Variants in GRIK1 observed in about 807,000 individuals in gnomAD.
GRIK1 encodes glutamate receptor ionotropic, kainate 1.
GRIK1 carries 69 observed loss-of-function variants against 105.7 expected under a neutral mutation model. The ratio of observed to expected loss-of-function variants is 0.65; its 90% CI spans 0.54 to 0.80. GRIK1 has a LOEUF of 0.80. GRIK1 is among the 30% of genes least tolerant of loss of function. The pLI is 0.00. For synonymous variants in GRIK1, 438 were observed against 431.3 expected, an observed-to-expected ratio of 1.02 and a Z score of -0.19; for missense variants, 1,109 against 1,167.3, an observed-to-expected ratio of 0.95 and a Z score of 0.73.
intron 14 of GRIK1, among the ~76,000 whole-genome samples, chr21:29,564,549 C>G (rs2090567608): frequency 1.3e-5 from 2 of 152,116 alleles, no homozygotes; most frequent in South Asian, 4.1e-4. Flanking sequence ...AGTTCATCCA[C>G]GGTAAATGGA....
chr21:29,777,871 A>G (rs577270570), intron 1 of GRIK1, among the ~76,000 whole-genome samples: 2 of 152,332 alleles, frequency 1.3e-5, no homozygotes, highest in South Asian at 4.1e-4. Context: ...GCAATGGGTC[A>G]AGTGAGGGAA....
chr21:29,814,848 G>A (rs379182), intron 1 of GRIK1, among the ~76,000 whole-genome samples: 122,316 of 151,970 alleles, frequency 0.8, 50,020 homozygotes, highest in Non-Finnish European at 0.88. Context: ...GCAAGGATGT[G>A]TAGAGCCTAA....
Position 29,596,214 on chromosome 21 carries a change from G to T in GRIK1, c.1251+312C>A, listed in dbSNP as rs28378566. ...TGAGAAGGAATATAAATAGGTCAGT[G>T]TCTCCTTCTGTTACAGTTGCCTGCT... On this transcript the variant is annotated intron_variant, in intron 9 of 17. Coordinates refer to ENST00000327783, the MANE Select transcript of GRIK1 (RefSeq NM_001330994.2). 2.5e-3 allele frequency: 1,119 copies of T among 453,460 alleles called. 12 individuals are homozygous for T. Among genetic ancestry groups the T allele is most frequent in the African/African-American group, 0.021 (1,053 of 50,198 alleles). 28.1% of individuals were successfully genotyped at this position (453,460 alleles called of 1,614,324 possible). A position where few individuals can be genotyped will look rare whatever the true frequency, so the allele number is the denominator to read the frequency against.
chr21:29,680,056 C>T (rs2063341925), intron 3 of GRIK1, among the ~76,000 whole-genome samples: 1 of 152,120 alleles, frequency 6.6e-6, no homozygotes, highest in African/African-American at 2.4e-5. Context: ...TGAGGTGTCC[C>T]AAGTTTCTTA....
intron 16 of GRIK1, among the ~76,000 whole-genome samples, chr21:29,546,732 A>G (rs2090056983): frequency 6.6e-6 from 1 of 152,228 alleles, no homozygotes; most frequent in Non-Finnish European, 1.5e-5. Flanking sequence ...ATAACAACTT[A>G]CATATTCAAT....
Position 29,702,716 on chromosome 21 carries a change from A to G in GRIK1, c.119-8653T>C, listed in dbSNP as rs144744470. Among the ~76,000 whole-genome samples the G allele has an allele frequency of 6.7e-3, 1,016 of 152,286 alleles. 4 individuals are homozygous for G. Among genetic ancestry groups the G allele is most frequent in the African/African-American group, 0.023 (970 of 41,552 alleles). On this transcript the variant is annotated intron_variant, in intron 1 of 17. Transcript: ENST00000327783. ...ACAGAATGAGACTCCATCTCAAAAA[A>G]CAAACAAGAAAACAAACAAAAACAG...
intron 14 of GRIK1, among the ~76,000 whole-genome samples, chr21:29,563,823 T>C (rs1447875107): frequency 6.6e-6 from 1 of 152,182 alleles, no homozygotes; most frequent in Non-Finnish European, 1.5e-5. Context: ...GAGGAAGTTT[T>C]AGTACGGAAG....
chr21:29,770,248 T>C (rs900093068), intron 1 of GRIK1, among the ~76,000 whole-genome samples: 1 of 152,226 alleles, frequency 6.6e-6, no homozygotes, highest in African/African-American at 2.4e-5. Flanking sequence ...GTGTCACCCA[T>C]CGTGCTCAGC....
chr21:29,916,712 T>C (rs1460484672), intron 1 of GRIK1, among the ~76,000 whole-genome samples: 3 of 151,536 alleles, frequency 2.0e-5, no homozygotes, highest in Non-Finnish European at 4.4e-5. Flanking sequence ...GAACTCTGTC[T>C]CCACTTCAGA....
chr21:29,601,347 G>A (rs1486964206), intron 7 of GRIK1: 1 of 386,176 alleles, frequency 2.6e-6, no homozygotes, highest in Non-Finnish European at 5.6e-6. Flanking sequence ...AGGGTCTCTA[G>A]TTTGCAGATG....
intron 1 of GRIK1, among the ~76,000 whole-genome samples, chr21:29,831,545 G>A (rs1389289673): frequency 6.6e-6 from 1 of 152,104 alleles, no homozygotes; most frequent in Non-Finnish European, 1.5e-5. Context: ...GAAGGCAAAG[G>A]GGAAGCAGGA....
chr21:29,860,430 G>A (rs1167299067), intron 1 of GRIK1, among the ~76,000 whole-genome samples: 5 of 152,154 alleles, frequency 3.3e-5, no homozygotes, highest in Non-Finnish European at 7.4e-5. Flanking sequence ...GACAAATAGG[G>A]AACTCATCTG....
intron 15 of GRIK1, among the ~76,000 whole-genome samples, chr21:29,560,413 C>CTTTCTTTCTTTCTTTCTTTCTT (rs2090413729): frequency 8.3e-6 from 1 of 120,860 alleles, no homozygotes; most frequent in African/African-American, 3.8e-5. Context: ...TTCTTTCTTT[C>CTTTCTTTCTTTCTTTCTTTCTT]TTTCTTTCTT....
intron 1 of GRIK1, among the ~76,000 whole-genome samples, chr21:29,933,819 A>C (rs1312735936): frequency 6.6e-6 from 1 of 152,168 alleles, no homozygotes; most frequent in African/African-American, 2.4e-5. Context: ...GGAAATATGA[A>C]TCCCCTTCTC....
At chr21:29,767,845 T>C (rs914896938) in intron 1 of GRIK1, among the ~76,000 whole-genome samples, 2 of 151,166 alleles carry the variant, frequency 1.3e-5, no homozygotes, top group Middle Eastern at 3.4e-3. Flanking sequence ...TGTGTGTGTG[T>C]TCTCCTCAGC....
chr21:29,938,925 T>C (rs1218387126), intron 1 of GRIK1, among the ~76,000 whole-genome samples: 2 of 152,138 alleles, frequency 1.3e-5, no homozygotes, highest in Admixed American at 6.5e-5. Context: ...TAGTGGTCCC[T>C]GTATTGTATT....
chr21:29,607,063 G>A (rs946919922), intron 7 of GRIK1, among the ~76,000 whole-genome samples: 2 of 152,136 alleles, frequency 1.3e-5, no homozygotes, highest in East Asian at 1.9e-4. Flanking sequence ...ACACAGTCAC[G>A]GGGATACTAG....
In GRIK1 at chr21:29,645,486, A is replaced by T. The variant is rs112819381; in HGVS notation, c.955-2517T>A. On this transcript the variant is annotated intron_variant, in intron 6 of 17. Coordinates refer to ENST00000327783, the MANE Select transcript of GRIK1 (RefSeq NM_001330994.2). ...TTAGAAAGGATGGGCATTCTTTCTCAAGGCGGGCTCCATATTGGGAAAGGC... is the reference window on the plus strand; with the variant it reads ...TTAGAAAGGATGGGCATTCTTTCTCTAGGCGGGCTCCATATTGGGAAAGGC... Among the ~76,000 whole-genome samples, 897 of 152,330 alleles carry T rather than the reference A, an allele frequency of 5.9e-3. 13 individuals carry two copies. Among genetic ancestry groups the T allele is most frequent in the African/African-American group, 0.02 (852 of 41,576 alleles).
intron 1 of GRIK1, among the ~76,000 whole-genome samples, chr21:29,756,487 C>A (rs1330364688): frequency 6.6e-6 from 1 of 152,140 alleles, no homozygotes; most frequent in African/African-American, 2.4e-5. Context: ...GGAAGAAGAG[C>A]TGGCCTTGGG....
Sources: gnomAD v4.1 joint callset for allele counts (sites outside exome capture counted in the v4.1 genomes callset) on GRCh38, gnomAD v4.1.1 for gene constraint, MANE v1.5 for transcripts, NCBI Gene and HGNC (gene_info 2026-07-23, HGNC 2026-07-21) for gene names.